The following CIB4 variants were observed in gnomAD, a reference collection of about 807,000 sequenced individuals.
CIB4 encodes the protein calcium and integrin-binding family member 4.
CIB4 carries 25 observed loss-of-function variants against 25.8 expected under a neutral mutation model. That is an observed-to-expected ratio of 0.97 (90% CI 0.71 to 1.35). CIB4 has a LOEUF of 1.35. CIB4 is among the 40% of genes most tolerant of loss of function. The pLI, the probability that CIB4 is intolerant of heterozygous loss-of-function variation, is 0.00. For missense variants in CIB4, 235 were observed against 228.2 expected, an observed-to-expected ratio of 1.03 and a Z score of -0.19; for synonymous variants, 75 against 81.4, an observed-to-expected ratio of 0.92 and a Z score of 0.42.
intron 3 of CIB4, among the ~76,000 whole-genome samples, chr2:26,619,993 T>C (rs1389510656): frequency 7.4e-6 from 1 of 135,554 alleles, no homozygotes; most frequent in African/African-American, 2.9e-5. Context: ...AACACCATCC[T>C]GATCTCCATC....
intron 2 of CIB4, among the ~76,000 whole-genome samples, chr2:26,632,353 C>T (rs1731242): frequency 0.42 from 63,259 of 151,958 alleles, 14,656 homozygotes; most frequent in Middle Eastern, 0.53. Context: ...GAGTGTGGAA[C>T]GGGTTGGGGG....
intron 2 of CIB4, among the ~76,000 whole-genome samples, chr2:26,636,779 G>T (rs1160350271): frequency 6.6e-6 from 1 of 152,124 alleles, no homozygotes; most frequent in Non-Finnish European, 1.5e-5. Context: ...TTTCTAGATT[G>T]AAATTTTTTC....
At position 26,622,748 on chromosome 2, in the gene CIB4, C is replaced by T. The variant is rs559439938; in HGVS notation, c.186+6662G>A. ...CTGTAATCCCAGCATTTTGGGAGGC[C>T]GAGGTGGGCAGATCACTTGAGGTCA... On this transcript the variant is annotated intron_variant, in intron 3 of 6. Coordinates refer to ENST00000288861, the MANE Select transcript of CIB4 (RefSeq NM_001029881.3). Among the ~76,000 whole-genome samples the T allele has an allele frequency of 7.6e-4, 115 of 151,938 alleles. 4 individuals are homozygous for T. The South Asian group carries it at 0.022, about 29-fold the overall frequency.
chr2:26,597,005 T>C (rs1323398174), intron 3 of CIB4, among the ~76,000 whole-genome samples: 2 of 152,220 alleles, frequency 1.3e-5, no homozygotes, highest in African/African-American at 4.8e-5. Flanking sequence ...ATGAACTCAA[T>C]TTCATTTGAC....
intron 3 of CIB4, chr2:26,623,549 T>C (rs184032972): frequency 8.5e-6 from 4 of 471,268 alleles, no homozygotes; most frequent in East Asian, 7.0e-5. Flanking sequence ...TCGGAAAACT[T>C]TGGGAGATAC....
At chr2:26,588,994 TTCTTCTTCTTCTTCTTCTTC>T (rs1668512287) in intron 4 of CIB4, among the ~76,000 whole-genome samples, 2 of 8,216 alleles carry the variant, frequency 2.4e-4, no homozygotes, top group African/African-American at 7.2e-4. Flanking sequence ...CTTCTTCTTC[TTCTTCTTCTTCTTCTTCTTC>T]TTCTTCTTCT....
At chr2:26,583,054 G>A in intron 5 of CIB4, 141 bp from the exon 6 acceptor site, 1 of 605,676 alleles carries the variant, frequency 1.7e-6, no homozygotes, top group Non-Finnish European at 3.0e-6. Flanking sequence ...TGACCCCAGT[G>A]ACCCCACAGA....
At chr2:26,622,667 C>G (rs557516015) in intron 3 of CIB4, among the ~76,000 whole-genome samples, 2 of 152,084 alleles carry the variant, frequency 1.3e-5, no homozygotes, top group South Asian at 4.2e-4. Context: ...TCCTGGCACA[C>G]ATGAATAATT....
intron 3 of CIB4, among the ~76,000 whole-genome samples, chr2:26,616,256 G>A (rs1045057323): frequency 6.6e-6 from 1 of 152,240 alleles, no homozygotes; most frequent in Admixed American, 6.5e-5. Context: ...CTGGCCTGAG[G>A]TCAGCCGAAT....
chr2:26,633,039 T>A (rs546805603), intron 2 of CIB4, among the ~76,000 whole-genome samples: 2 of 152,204 alleles, frequency 1.3e-5, no homozygotes, highest in South Asian at 4.2e-4. Context: ...ACATTCTGCA[T>A]GTTTCATGCC....
intron 3 of CIB4, among the ~76,000 whole-genome samples, chr2:26,618,919 T>C (rs1572563208): frequency 6.6e-6 from 1 of 152,182 alleles, no homozygotes; most frequent in African/African-American, 2.4e-5. Context: ...GTAGCCTGGG[T>C]GAGACCATCT....
intron 2 of CIB4, among the ~76,000 whole-genome samples, chr2:26,636,242 G>A (rs1192820444): frequency 3.3e-5 from 5 of 151,688 alleles, no homozygotes; most frequent in African/African-American, 1.2e-4. Flanking sequence ...ATTATATATC[G>A]TATATGCATT....
chr2:26,621,486 G>A (rs1669204661), intron 3 of CIB4, among the ~76,000 whole-genome samples: 1 of 151,916 alleles, frequency 6.6e-6, no homozygotes, highest in South Asian at 2.1e-4. Context: ...AATTACTTAA[G>A]CCCAGGAGAT....
chr2:26,583,225 G>T (rs902591119), intron 5 of CIB4, among the ~76,000 whole-genome samples: 1 of 152,194 alleles, frequency 6.6e-6, no homozygotes, highest in African/African-American at 2.4e-5. Context: ...AGGCAGGCAG[G>T]GAGGCGGTGG....
chr2:26,593,432 ACACTATATATACC>A (rs1247598797), intron 4 of CIB4, among the ~76,000 whole-genome samples: 2 of 151,940 alleles, frequency 1.3e-5, no homozygotes, highest in African/African-American at 4.8e-5. Flanking sequence ...ATATATATAC[ACACTATATATACC>A]CACACATACA....
rs980048446 is a variant in CIB4, at chr2:26,594,697, C to T, written c.328+479G>A. On this transcript the variant is annotated intron_variant, in intron 4 of 6. Transcript: ENST00000288861. ...ACTTCAGCAGAGTCTTGTGACTACCCGAGACAGAGACAGAGACCAAAAAAT... is the reference window on the plus strand; with the variant it reads ...ACTTCAGCAGAGTCTTGTGACTACCTGAGACAGAGACAGAGACCAAAAAAT... Among the ~76,000 whole-genome samples the T allele has an allele frequency of 3.9e-5, 6 of 152,060 alleles. 1 individual carries two copies. The highest frequency in any genetic ancestry group is 1.4e-4 in the African/African-American group (6 of 41,394).
intron 2 of CIB4, among the ~76,000 whole-genome samples, chr2:26,637,701 A>T (rs545435946): frequency 1.1e-4 from 16 of 152,230 alleles, no homozygotes; most frequent in African/African-American, 3.9e-4. Flanking sequence ...CTCATTTTGA[A>T]CTGGGACATT....
intron 3 of CIB4, among the ~76,000 whole-genome samples, chr2:26,614,924 G>C (rs1669062780): frequency 6.6e-6 from 1 of 152,200 alleles, no homozygotes; most frequent in Non-Finnish European, 1.5e-5. Context: ...CCCTGCTCTT[G>C]GGAGCTTTGA....
intron 3 of CIB4, among the ~76,000 whole-genome samples, chr2:26,625,463 C>T (rs1189772351): frequency 6.6e-6 from 1 of 151,294 alleles, no homozygotes; most frequent in Non-Finnish European, 1.5e-5. Flanking sequence ...AGCGATTCTC[C>T]TGCCTCCGCC....
Sources: gnomAD v4.1 joint callset for allele counts (sites outside exome capture counted in the v4.1 genomes callset) on GRCh38, gnomAD v4.1.1 for gene constraint, MANE v1.5 for transcripts, NCBI Gene and HGNC (gene_info 2026-07-23, HGNC 2026-07-21) for gene names.